Variants in UGT1A9 observed in about 807,000 individuals in gnomAD.
UGT1A9 encodes UDP-glucuronosyltransferase 1A9.
UGT1A9 carries 35 observed loss-of-function variants against 45.0 expected under a neutral mutation model. That is an observed-to-expected ratio of 0.78 (90% confidence interval 0.59 to 1.03). The LOEUF (loss-of-function observed/expected upper bound fraction) is 1.03. Among genes scored for constraint, UGT1A9 ranks in the 50% least tolerant of loss-of-function variants. The pLI, the probability that UGT1A9 is intolerant of heterozygous loss-of-function variation, is 0.00. For missense variants in UGT1A9, 687 were observed against 666.6 expected (o/e 1.03, Z -0.34); for synonymous variants, 278 against 250.6 (o/e 1.11, Z -1.03).
intron 1 of UGT1A9, among the ~76,000 whole-genome samples, chr2:233,678,685 A>G (rs1271461775): frequency 1.3e-5 from 2 of 151,930 alleles, no homozygotes; most frequent in East Asian, 1.9e-4. Context: ...TGTAAGGCCA[A>G]TTTTTTTTCT....
intron 1 of UGT1A9, among the ~76,000 whole-genome samples, chr2:233,744,590 G>C (rs1190508519): frequency 6.6e-6 from 1 of 151,850 alleles, no homozygotes; most frequent in Non-Finnish European, 1.5e-5. Flanking sequence ...TACAGTTTTT[G>C]CATCTCTCTT....
At chr2:233,759,502 A>G (rs1487597943) in intron 1 of UGT1A9, among the ~76,000 whole-genome samples, 1 of 152,052 alleles carries the variant, frequency 6.6e-6, no homozygotes, top group Non-Finnish European at 1.5e-5. Flanking sequence ...GGTTCACACT[A>G]ATAAAGGCCT....
At position 233,772,521 on chromosome 2, in the gene UGT1A9, G is replaced by A. The variant is rs746578451; in HGVS notation, c.1555G>A (p.Gly519Arg). 24 of 1,614,040 alleles carry A rather than the reference G, an allele frequency of 1.5e-5. No individual in the cohort carries two copies. The highest frequency in any genetic ancestry group is 1.7e-6 in the Non-Finnish European group (2 of 1,180,036). ...CTACCGGAAATGCTTGGGGAAAAAA[G>A]GGCGAGTTAAGAAAGCCCACAAATC... ...YGYRKCLGKK[G>R]RVKKAHKSKT... The change falls in exon 5 of 5, where the codon GGG becomes AGG. Residue 519 changes from glycine (G) to arginine (R), a missense_variant. Coordinates refer to ENST00000354728, the MANE Select transcript of UGT1A9 (RefSeq NM_021027.3).
At chr2:233,766,970 TACTG>T in intron 1 of UGT1A9, 60 bp from the exon 2 acceptor site, 8 of 1,610,026 alleles carry the variant, frequency 5.0e-6, no homozygotes, top group Non-Finnish European at 6.8e-6. Flanking sequence ...ATTCATAACT[TACTG>T]TATGTAGTCA....
At chr2:233,690,901 A>G (rs2075020381) in intron 1 of UGT1A9, 2 of 1,032,262 alleles carry the variant, frequency 1.9e-6, no homozygotes, top group Non-Finnish European at 2.3e-6. Context: ...TGGTATGCAT[A>G]GTGATGTTAG....
intron 4 of UGT1A9, among the ~76,000 whole-genome samples, chr2:233,771,796 C>G (rs373628815): frequency 4.6e-5 from 7 of 151,828 alleles, no homozygotes; most frequent in African/African-American, 1.7e-4. Flanking sequence ...CCCTCCCTCC[C>G]TCCCTCCCTT....
intron 1 of UGT1A9, chr2:233,747,202 T>G: frequency 5.0e-6 from 8 of 1,604,908 alleles, no homozygotes; most frequent in South Asian, 1.1e-5. Context: ...GCTGTCCGTG[T>G]CTTCTGCTGA....
At chr2:233,703,770 A>T (rs919739679) in intron 1 of UGT1A9, among the ~76,000 whole-genome samples, 14 of 151,732 alleles carry the variant, frequency 9.2e-5, no homozygotes, top group African/African-American at 3.1e-4. Flanking sequence ...TGCAGACAAG[A>T]TATTATTAGT....
Position 233,672,614 on chromosome 2 carries a change from C to T in UGT1A9, c.680C>T (p.Ala227Val), listed in dbSNP as rs1257709342. The T allele has an allele frequency of 1.9e-6, 3 of 1,613,722 alleles. No homozygotes were observed. The highest frequency in any genetic ancestry group is 4.5e-5 in the East Asian group (2 of 44,870). The change falls in exon 1 of 5, where the codon GCC becomes GTC. Residue 227 changes from alanine (A) to valine (V), a missense_variant. Transcript: ENST00000354728. ...HLLCHRFFKN[A>V]LEIASEILQT... ...TTATGCCACCGTTTTTTCAAAAATGCCCTAGAAATAGCCTCTGAAATTCTC... is the reference window on the plus strand; with the variant it reads ...TTATGCCACCGTTTTTTCAAAAATGTCCTAGAAATAGCCTCTGAAATTCTC...
intron 1 of UGT1A9, chr2:233,747,993 T>G: frequency 6.2e-7 from 1 of 1,613,560 alleles, no homozygotes; most frequent in Non-Finnish European, 8.5e-7. Context: ...CCGAGGGGAC[T>G]TTGTGATGGA....
chr2:233,680,166 T>C (rs2074477315), intron 1 of UGT1A9, among the ~76,000 whole-genome samples: 1 of 152,232 alleles, frequency 6.6e-6, no homozygotes, highest in Non-Finnish European at 1.5e-5. Context: ...TCATGATTTT[T>C]CTTTGCTTCT....
Position 233,696,622 on chromosome 2 carries a change from C to G in UGT1A9, c.855+23833C>G, listed in dbSNP as rs910187626. On this transcript the variant is annotated intron_variant, in intron 1 of 4. Transcript: ENST00000354728. ...TTGGATGCCCTTTCTTTCTTTCTTT[C>G]TCTTGCTTAATTGCTTTGGATAGGA... Among the ~76,000 whole-genome samples, 6 of 148,224 alleles carry G rather than the reference C, an allele frequency of 4.0e-5. No individual in the cohort carries two copies. In the East Asian group the frequency reaches 1.2e-3, roughly 29 times the overall value.
intron 1 of UGT1A9, among the ~76,000 whole-genome samples, chr2:233,678,950 A>G (rs976044976): frequency 2.0e-5 from 3 of 152,216 alleles, no homozygotes; most frequent in Non-Finnish European, 2.9e-5. Flanking sequence ...TCCAGAAGAA[A>G]TGTACTGTTT....
Position 233,772,371 on chromosome 2 carries a change from C to T in UGT1A9, c.1405C>T (p.Pro469Ser), listed in dbSNP as rs377565834. Reference sequence around the variant, plus strand: ...GTTTGTGATGAGGCACAAGGGCGCGCCACACCTGCGCCCCGCAGCCCACGA... The same window carrying T: ...GTTTGTGATGAGGCACAAGGGCGCGTCACACCTGCGCCCCGCAGCCCACGA... ...VEFVMRHKGA[P>S]HLRPAAHDLT... Residue 469 changes from proline to serine, a missense_variant, in exon 5 of 5, where the codon CCA becomes TCA. Coordinates refer to ENST00000354728, the MANE Select transcript of UGT1A9 (RefSeq NM_021027.3). 8 of 1,614,242 alleles carry T rather than the reference C, an allele frequency of 5.0e-6. No individual in the cohort carries two copies. Among genetic ancestry groups the T allele is most frequent in the Non-Finnish European group, 6.8e-6 (8 of 1,180,046 alleles).
Position 233,672,086 on chromosome 2 carries a change from G to A in UGT1A9, c.152G>A (p.Arg51Lys). ...TCGGTGGTGGAGAAACTCATTCTCA[G>A]GGGGCATGAGGTGGTTGTAGTCATG... ...MRSVVEKLILRGHEVVVVMPE... is the reference protein window; with the variant it reads ...MRSVVEKLILKGHEVVVVMPE... The change falls in exon 1 of 5, where the codon AGG becomes AAG. Residue 51 changes from arginine to lysine, a missense_variant. Transcript: ENST00000354728. 6.2e-7 allele frequency: 1 copy of A among 1,614,028 alleles called. No individual in the cohort carries two copies. The highest frequency in any genetic ancestry group is 8.5e-7 in the Non-Finnish European group (1 of 1,180,014).
chr2:233,700,685 T>C lies in UGT1A9; in HGVS notation c.855+27896T>C, dbSNP rs1275068404. On this transcript the variant is annotated intron_variant, in intron 1 of 4. Coordinates refer to ENST00000354728, the MANE Select transcript of UGT1A9 (RefSeq NM_021027.3). ...TTTTCAGCACAAATTCGTGATAATA[T>C]ATAAACTACACTTTGAATGTTTTTT... Among the ~76,000 whole-genome samples, 59 of 152,174 alleles carry C rather than the reference T, an allele frequency of 3.9e-4. 3 individuals are homozygous for C. Among genetic ancestry groups the C allele is most frequent in the Admixed American group, 3.9e-3 (59 of 15,284 alleles).
chr2:233,743,655 C>G (rs367682058), intron 1 of UGT1A9: 8 of 1,367,176 alleles, frequency 5.9e-6, no homozygotes, highest in Non-Finnish European at 7.8e-6. Flanking sequence ...AAGACGTACT[C>G]GAAGGGGTCC....
At position 233,672,237 on chromosome 2, in the gene UGT1A9, A is replaced by G; in HGVS notation, c.303A>G (p.Gln101=). The change falls in exon 1 of 5, where the codon CAA becomes CAG. Residue 101 remains glutamine (Q), a synonymous_variant. Transcript: ENST00000354728. The stretch of plus-strand genomic sequence containing the variant: ...TTGCCCATGCTCAATGGAAAGCACA[A>G]GTACGAAGTATATATTCTCTATTAA... ...KAFAHAQWKA[Q]VRSIYSLLMG... is the part of the protein sequence containing the mutation. 2.5e-6 allele frequency: 4 copies of G among 1,614,014 alleles called. No homozygotes were observed. The highest frequency in any genetic ancestry group is 3.4e-6 in the Non-Finnish European group (4 of 1,179,826).
At chr2:233,748,082 C>A (rs1013967791) in intron 1 of UGT1A9, 6 of 1,612,924 alleles carry the variant, frequency 3.7e-6, no homozygotes, top group Non-Finnish European at 5.1e-6. Context: ...TATCTCAGGT[C>A]GGTGTTCGTG....
Sources: gnomAD v4.1 joint callset for allele counts (sites outside exome capture counted in the v4.1 genomes callset) on GRCh38, gnomAD v4.1.1 for gene constraint, MANE v1.5 for transcripts, NCBI Gene and HGNC (gene_info 2026-07-23, HGNC 2026-07-21) for gene names.